Variants in TCHH observed in about 807,000 individuals in gnomAD.
TCHH encodes the protein trichohyalin.
In TCHH, 6 loss-of-function variants were observed where a neutral mutation model predicts 6.3. That is an observed-to-expected ratio of 0.95 (90% CI 0.52 to 1.88). The LOEUF (loss-of-function observed/expected upper bound fraction) is 1.88, where lower values mean the gene tolerates loss of function less well. Among genes scored for constraint, TCHH ranks in the 40% most tolerant of loss-of-function variants. The probability of loss-of-function intolerance (pLI) is 0.01; values close to 1 mark genes in which losing one functional copy is unlikely to be tolerated. For missense variants in TCHH, 2,920 were observed against 2,449.1 expected, an observed-to-expected ratio of 1.19 and a Z score of -4.06; for synonymous variants, 1,087 against 963.6, an observed-to-expected ratio of 1.13 and a Z score of -2.37.
rs777037771 is a variant in TCHH at position 152,109,471 on chromosome 1, T to C, written c.3746A>G (p.Gln1249Arg). The C allele has an allele frequency of 6.2e-7, 1 of 1,614,278 alleles. No individual in the cohort carries two copies. The highest frequency in any genetic ancestry group is 2.2e-5 in the East Asian group (1 of 44,894). ...CTGGGAATCTTCCAACTGCCGGAAC[T>C]GTTCATTCTCTCTGCCTTTGCAGTA... ...KVYCKGRENEQFRQLEDSQLR... is the reference protein window; with the variant it reads ...KVYCKGRENERFRQLEDSQLR... Residue 1249 changes from glutamine to arginine, a missense_variant, in exon 3 of 3, where the codon CAG becomes CGG. Transcript: ENST00000614923.
In TCHH at chr1:152,108,868, T is replaced by C; in HGVS notation, c.4349A>G (p.Glu1450Gly). Residue 1450 changes from glutamate to glycine, a missense_variant, in exon 3 of 3, where the codon GAG (glutamate) becomes GGG (glycine). Transcript: ENST00000614923. The part of the protein sequence containing the change: ...RRQERERKFL[E>G]EEQQLRQERH... ...CTCCTGGCGCAGCTGCTGTTCCTCC[T>C]CCAGGAATTTTCTCTCTCGTTCCTG... 2 of 1,612,630 alleles carry C rather than the reference T, an allele frequency of 1.2e-6. No homozygotes were observed. Among genetic ancestry groups the C allele is most frequent in the Non-Finnish European group, 1.7e-6 (2 of 1,179,654 alleles).
At position 152,109,350 on chromosome 1, in the gene TCHH, G is replaced by A. The variant is rs569051606; in HGVS notation, c.3867C>T (p.Arg1289=). ...GTTCTTCCTCTGGGAAATGCCTGTC[G>A]CGCTGCTGCCAGCGCCTCCTCTCTT... is the stretch of plus-strand genomic sequence containing the variant. ...REQERRRWQQ[R]DRHFPEEEQL... Residue 1289 remains arginine (R), a synonymous_variant, in exon 3 of 3, where the codon CGC becomes CGT. Coordinates refer to ENST00000614923, the MANE Select transcript of TCHH (RefSeq NM_007113.4). 1.1e-5 allele frequency: 18 copies of A among 1,614,022 alleles called. No individual in the cohort carries two copies. The highest frequency in any genetic ancestry group is 2.7e-5 in the African/African-American group (2 of 74,900).
Position 152,108,368 on chromosome 1 carries a change from G to T in TCHH, c.4849C>A (p.Arg1617Ser). The change falls in exon 3 of 3, where the codon CGC becomes AGC. Residue 1617 changes from arginine (R) to serine (S), a missense_variant. Arg to Ser is a moderately radical substitution (Grantham distance 110). Transcript: ENST00000614923. ...QEGQQQLRQE[R>S]DRKFREDEQL... ...TCGTCTTCGCGGAATTTTCTGTCGCGCTCCTGGCGCAGCTGTTGTTGGCCC... is the reference window on the plus strand; with the variant it reads ...TCGTCTTCGCGGAATTTTCTGTCGCTCTCCTGGCGCAGCTGTTGTTGGCCC... 1 of 1,606,486 alleles carries T rather than the reference G, an allele frequency of 6.2e-7. No homozygotes were observed. Among genetic ancestry groups the T allele is most frequent in the Non-Finnish European group, 8.5e-7 (1 of 1,177,716 alleles).
rs1350908482 is a variant in TCHH, at chr1:152,112,736, G to A, written c.481C>T (p.Leu161Phe). The change falls in exon 3 of 3, where the codon CTT becomes TTT. Residue 161 changes from leucine (L) to phenylalanine (F), a missense_variant. Transcript: ENST00000614923. ...GEEQSEKQER[L>F]EQRDRQRRDE... Reference sequence around the variant, plus strand: ...CGGCGCTGCCTGTCGCGCTGTTCAAGTCGCTCTTGTTTCTCACTTTGCTCC... The same window carrying A: ...CGGCGCTGCCTGTCGCGCTGTTCAAATCGCTCTTGTTTCTCACTTTGCTCC... 4 of 1,614,070 alleles carry A rather than the reference G, an allele frequency of 2.5e-6. No homozygotes were observed. In the South Asian group the frequency reaches 3.3e-5, roughly 13 times the overall value.
At position 152,107,783 on chromosome 1, in the gene TCHH, G is replaced by C. The variant is rs779876646; in HGVS notation, c.5434C>G (p.Leu1812Val). ...QLRQEREEQQ[L>V]RPQQRDGKYR... The stretch of plus-strand genomic sequence containing the variant: ...TTTCCGTCACGCTGTTGGGGGCGCA[G>C]CTGCTGTTCTTCCCTCTCCTGGCGT... Residue 1812 changes from leucine to valine, a missense_variant, in exon 3 of 3, where the codon CTG becomes GTG. Physicochemically the swap from Leu to Val is conservative, Grantham distance 32. Coordinates refer to ENST00000614923, the MANE Select transcript of TCHH (RefSeq NM_007113.4). The C allele has an allele frequency of 8.7e-6, 14 of 1,614,078 alleles. No individual in the cohort carries two copies. The African/African-American group carries it at 1.2e-4, about 14-fold the overall frequency.
chr1:152,107,634 T>C lies in TCHH; in HGVS notation c.5583A>G (p.Glu1861=). The C allele has an allele frequency of 1.2e-6, 2 of 1,614,164 alleles. No individual in the cohort carries two copies. The highest frequency in any genetic ancestry group is 2.2e-5 in the South Asian group (2 of 91,078). Reference sequence around the variant, plus strand: ...GCTCCTCTTCTTGCCATAGTTCTTGTTCCTCACGACGACTCTTCTCCTGCG... The same window carrying C: ...GCTCCTCTTCTTGCCATAGTTCTTGCTCCTCACGACGACTCTTCTCCTGCG... ...FATQEKSRRE[E]QELWQEEEQK... is the part of the protein sequence containing the mutation. Residue 1861 remains glutamate (E), a synonymous_variant, in exon 3 of 3, where the codon GAA becomes GAG. Transcript: ENST00000614923.
At position 152,111,391 on chromosome 1, in the gene TCHH, C is replaced by G; in HGVS notation, c.1826G>C (p.Arg609Thr). The G allele has an allele frequency of 6.3e-7, 1 of 1,577,520 alleles. No homozygotes were observed. Among genetic ancestry groups the G allele is most frequent in the Non-Finnish European group, 8.6e-7 (1 of 1,164,122 alleles). ...CTCGCGCCTCTCCTCCTGCTCGAGTCTCTCCACCTCCTCGCGCTTCAGTCG... is the reference window on the plus strand; with the variant it reads ...CTCGCGCCTCTCCTCCTGCTCGAGTGTCTCCACCTCCTCGCGCTTCAGTCG... ...EQRLKREEVE[R>T]LEQEERREQR... Residue 609 changes from arginine to threonine, a missense_variant, in exon 3 of 3, where the codon AGA becomes ACA. Arg to Thr is a moderately conservative substitution (Grantham distance 71). Coordinates refer to ENST00000614923, the MANE Select transcript of TCHH (RefSeq NM_007113.4).
chr1:152,113,820 A>G, intron 2 of TCHH, 123 bp downstream of exon 2: 2 of 1,097,214 alleles, frequency 1.8e-6, no homozygotes, highest in South Asian at 1.6e-5. Flanking sequence ...TGAATGGGGG[A>G]TGTAGTGTAG....
chr1:152,112,422 C>T lies in TCHH; in HGVS notation c.795G>A (p.Pro265=), dbSNP rs759134306. ...CCTCCTGGAGCTCTCTTTGCCGCTG[C>T]GGCTCCTCTTCCTGCAACTTCTCTT... The part of the protein sequence containing the change: ...KEEEKLQEEE[P]QRQRELQEEE... Residue 265 remains proline, a synonymous_variant, in exon 3 of 3, where the codon CCG becomes CCA. Transcript: ENST00000614923. 4.3e-6 allele frequency: 7 copies of T among 1,613,716 alleles called. No homozygotes were observed. Among genetic ancestry groups the T allele is most frequent in the Non-Finnish European group, 5.1e-6 (6 of 1,180,018 alleles).
At position 152,112,207 on chromosome 1, in the gene TCHH, T is replaced by C; in HGVS notation, c.1010A>G (p.Gln337Arg). 1 of 1,596,176 alleles carries C rather than the reference T, an allele frequency of 6.3e-7. No homozygotes were observed. Among genetic ancestry groups the C allele is most frequent in the Non-Finnish European group, 8.5e-7 (1 of 1,176,108 alleles). ...RREQQEERRE[Q>R]QLRREQEERR... ...CTCCTCCTGCTCGCGCCTCAGCTGC[T>C]GCTCGCGCCTCTCCTCCTGCTGCTC... The change falls in exon 3 of 3, where the codon CAG becomes CGG. Residue 337 changes from glutamine to arginine, a missense_variant. Gln to Arg is a conservative substitution (Grantham distance 43). Coordinates refer to ENST00000614923, the MANE Select transcript of TCHH (RefSeq NM_007113.4).
chr1:152,110,276 T>C lies in TCHH; in HGVS notation c.2941A>G (p.Arg981Gly). Residue 981 changes from arginine to glycine, a missense_variant, in exon 3 of 3, where the codon AGA becomes GGA. Arg to Gly is a moderately radical substitution (Grantham distance 125). Coordinates refer to ENST00000614923, the MANE Select transcript of TCHH (RefSeq NM_007113.4). The part of the protein sequence containing the change: ...EQLLGEEPEK[R>G]RRQEREKKYR... ...TTTTTCTCCCGCTCCTGGCGCCTTC[T>C]CTTCTCCGGTTCCTCTCCCAGCAGC... 4 of 1,611,488 alleles carry C rather than the reference T, an allele frequency of 2.5e-6. No homozygotes were observed. The highest frequency in any genetic ancestry group is 3.4e-6 in the Non-Finnish European group (4 of 1,178,874).
chr1:152,111,563 G>T lies in TCHH; in HGVS notation c.1654C>A (p.Arg552Ser), dbSNP rs6680692. ...QEERREQLLK[R>S]EEEKRLEQER... Reference sequence around the variant, plus strand: ...TGCTCGAGCCTCTTCTCCTCCTCGCGCTTCAGCAGCTGCTCGCGCCTCTCC... The same window carrying T: ...TGCTCGAGCCTCTTCTCCTCCTCGCTCTTCAGCAGCTGCTCGCGCCTCTCC... The change falls in exon 3 of 3, where the codon CGC (arginine) becomes AGC (serine). Residue 552 changes from arginine (R) to serine (S), a missense_variant. Physicochemically the swap from Arg to Ser is moderately radical, Grantham distance 110. Coordinates refer to ENST00000614923, the MANE Select transcript of TCHH (RefSeq NM_007113.4). 0.022 allele frequency: 34,651 copies of T among 1,593,196 alleles called. 458 individuals carry two copies. Among genetic ancestry groups the T allele is most frequent in the Non-Finnish European group, 0.027 (31,852 of 1,173,138 alleles).
Position 152,108,032 on chromosome 1 carries a change from C to A in TCHH, c.5185G>T (p.Glu1729Ter). 1 of 1,613,660 alleles carries A rather than the reference C, an allele frequency of 6.2e-7. No individual in the cohort carries two copies. The highest frequency in any genetic ancestry group is 1.7e-5 in the Admixed American group (1 of 59,988). ...QELERKFREE[E>*]QLRQETEQEQ... ...TGCTCCGTTTCTTGGCGCAGCTGTTCCTCCTCACGGAATTTTCTCTCCAGT... is the reference window on the plus strand; with the variant it reads ...TGCTCCGTTTCTTGGCGCAGCTGTTACTCCTCACGGAATTTTCTCTCCAGT... Residue 1729 changes from glutamate (E) to a stop codon, truncating the protein, a stop_gained, in exon 3 of 3, where the codon GAA becomes TAA. Transcript: ENST00000614923. LOFTEE classifies it low-confidence loss of function (END_TRUNC).
Position 152,108,379 on chromosome 1 carries a change from A to G in TCHH, c.4838T>C (p.Leu1613Pro). The G allele has an allele frequency of 6.2e-7, 1 of 1,606,368 alleles. No homozygotes were observed. The highest frequency in any genetic ancestry group is 1.1e-5 in the South Asian group (1 of 90,746). Residue 1613 changes from leucine (L) to proline (P), a missense_variant, in exon 3 of 3, where the codon CTG (leucine) becomes CCG (proline). Physicochemically the swap from Leu to Pro is moderately conservative, Grantham distance 98. Transcript: ENST00000614923. ...QLRRQEGQQQ[L>P]RQERDRKFRE... is the part of the protein sequence containing the mutation. ...GAATTTTCTGTCGCGCTCCTGGCGC[A>G]GCTGTTGTTGGCCCTCCTGGCGGCG...
Position 152,109,026 on chromosome 1 carries a change from C to G in TCHH, c.4191G>C (p.Gln1397His), listed in dbSNP as rs1227592308. Residue 1397 changes from glutamine (Q) to histidine (H), a missense_variant, in exon 3 of 3, where the codon CAG becomes CAC. Transcript: ENST00000614923. ...GCTCGCGCTCCTGGCAGCGCAGCTG[C>G]TGTTCCTCCTTAAGGAATTTTCTCT... ...ERERKFLKEE[Q>H]QLRCQEREQQ... The G allele has an allele frequency of 6.2e-7, 1 of 1,613,788 alleles. No individual in the cohort carries two copies. The highest frequency in any genetic ancestry group is 8.5e-7 in the Non-Finnish European group (1 of 1,179,874).
rs773514161 is a variant in TCHH, at chr1:152,108,951, C to T, written c.4266G>A (p.Gln1422=). The change falls in exon 3 of 3, where the codon CAG becomes CAA. Residue 1422 remains glutamine, a synonymous_variant. Coordinates refer to ENST00000614923, the MANE Select transcript of TCHH (RefSeq NM_007113.4). ...TTCTGTCACGCTCTTGGCGGCTCAGCTGCTGTTCCTCCTCGCGGAATTTTC... is the reference window on the plus strand; with the variant it reads ...TTCTGTCACGCTCTTGGCGGCTCAGTTGCTGTTCCTCCTCGCGGAATTTTC... ...RDRKFREEEQ[Q]LSRQERDRKF... is the part of the protein sequence containing the mutation. The T allele has an allele frequency of 6.2e-7, 1 of 1,613,462 alleles. No individual in the cohort carries two copies. The highest frequency in any genetic ancestry group is 1.1e-5 in the South Asian group (1 of 90,998).
Position 152,109,101 on chromosome 1 carries a change from T to G in TCHH, c.4116A>C (p.Gln1372His). Residue 1372 changes from glutamine (Q) to histidine (H), a missense_variant, in exon 3 of 3, where the codon CAA (glutamine) becomes CAC (histidine). Transcript: ENST00000614923. ...FREEELRHQE[Q>H]GRKFLEEEQR... is the part of the protein sequence containing the mutation. Reference sequence around the variant, plus strand: ...GTTCCTCCTCGAGGAATTTTCTCCCTTGTTCCTGATGGCGCAGTTCCTCTT... The same window carrying G: ...GTTCCTCCTCGAGGAATTTTCTCCCGTGTTCCTGATGGCGCAGTTCCTCTT... The G allele has an allele frequency of 1.2e-6, 2 of 1,611,474 alleles. No homozygotes were observed. The highest frequency in any genetic ancestry group is 1.7e-6 in the Non-Finnish European group (2 of 1,179,564).
chr1:152,110,552 G>A lies in TCHH; in HGVS notation c.2665C>T (p.Leu889=), dbSNP rs749102897. The change falls in exon 3 of 3, where the codon CTG becomes TTG. Residue 889 remains leucine (L), a synonymous_variant. Coordinates refer to ENST00000614923, the MANE Select transcript of TCHH (RefSeq NM_007113.4). Reference sequence around the variant, plus strand: ...TCTTGTAGGGCTGGCTTGGCGTACAGCGTGTGGCGGCGTCTCTTCCTTTCT... The same window carrying A: ...TCTTGTAGGGCTGGCTTGGCGTACAACGTGTGGCGGCGTCTCTTCCTTTCT... ...EEERKRRRHT[L]YAKPALQEQL... 3.3e-5 allele frequency: 54 copies of A among 1,614,070 alleles called. No individual in the cohort carries two copies. The South Asian group carries it at 5.8e-4, about 17-fold the overall frequency.
Position 152,107,754 on chromosome 1 carries a change from A to T in TCHH, c.5463T>A (p.Tyr1821Ter). The T allele has an allele frequency of 6.2e-7, 1 of 1,614,076 alleles. No homozygotes were observed. Among genetic ancestry groups the T allele is most frequent in the Non-Finnish European group, 8.5e-7 (1 of 1,180,030 alleles). Residue 1821 changes from tyrosine (Y) to a stop codon, truncating the protein, a stop_gained, in exon 3 of 3, where the codon TAT (tyrosine) becomes TAA (stop). Transcript: ENST00000614923. LOFTEE classifies it low-confidence loss of function (END_TRUNC). ...GTTGGAGCTGCTCTTCTTCCCAGCG[A>T]TACTTTCCGTCACGCTGTTGGGGGC... is the stretch of plus-strand genomic sequence containing the variant. ...QLRPQQRDGKYRWEEEQLQLE... is the reference protein window; with the variant it reads ...QLRPQQRDGK
Sources: allele counts gnomAD v4.1 joint callset, GRCh38; gene constraint gnomAD v4.1.1; transcripts MANE v1.5; gene names NCBI Gene and HGNC (gene_info 2026-07-23, HGNC 2026-07-21).